The following PSG2 variants were observed in gnomAD, a reference collection of about 807,000 sequenced individuals.
PSG2 encodes pregnancy specific beta-1-glycoprotein 2.
PSG2 carries 49 observed loss-of-function variants against 36.2 expected under a neutral mutation model. The ratio of observed to expected loss-of-function variants is 1.35; its 90% CI spans 1.08 to 1.72. PSG2 has a LOEUF of 1.72. Ranked by LOEUF, PSG2 falls within the 40% of genes most tolerant of loss-of-function variation. The pLI, the probability that PSG2 is intolerant of heterozygous loss-of-function variation, is 0.00. For missense variants in PSG2, 605 were observed against 407.2 expected (o/e 1.49, Z -4.18); for synonymous variants, 261 against 155.6 (o/e 1.68, Z -5.04).
At chr19:43,064,918 G>A (rs1035816896) in intron 5 of PSG2, among the ~76,000 whole-genome samples, 1 of 151,674 alleles carries the variant, frequency 6.6e-6, no homozygotes, top group South Asian at 2.1e-4. Context: ...TGCAAGCTCC[G>A]CCTCCGCGGT....
At chr19:43,082,253 G>A (rs1023764511) in intron 1 of PSG2, 2 of 448,350 alleles carry the variant, frequency 4.5e-6, no homozygotes, top group African/African-American at 2.1e-5. Flanking sequence ...TGATTCTCCT[G>A]CCACAGCCTC....
chr19:43,074,920 T>C (rs1434815986), intron 3 of PSG2, among the ~76,000 whole-genome samples: 1 of 132,862 alleles, frequency 7.5e-6, no homozygotes, highest in Non-Finnish European at 1.5e-5. Flanking sequence ...TGGTAATAGG[T>C]GTGAGGAAGA....
At chr19:43,068,222 G>A (rs967315016) in intron 4 of PSG2, among the ~76,000 whole-genome samples, 1 of 151,238 alleles carries the variant, frequency 6.6e-6, no homozygotes, top group Admixed American at 6.6e-5. Flanking sequence ...GATTTCTTGA[G>A]ACCAGGTGTT....
Position 43,073,601 on chromosome 19 carries a change from G to A in PSG2, c.710-1647C>T, listed in dbSNP as rs185454902. Among the ~76,000 whole-genome samples the A allele has an allele frequency of 4.0e-5, 6 of 151,740 alleles. 1 individual carries two copies. Among genetic ancestry groups the A allele is most frequent in the African/African-American group, 7.3e-5 (3 of 41,142 alleles). On this transcript the variant is annotated intron_variant, in intron 3 of 5. Transcript: ENST00000406487. ...ATCTACTCTGTGATTCCCTGGGTTC[G>A]ACTACTCTAGGGACCTCATGTAAGT... is the stretch of plus-strand genomic sequence containing the variant.
Position 43,082,210 on chromosome 19 carries a change from G to A in PSG2, c.64+296C>T, listed in dbSNP as rs186116298. The A allele has an allele frequency of 3.9e-4, 104 of 268,176 alleles. 1 individual carries two copies. Among genetic ancestry groups the A allele is most frequent in the Middle Eastern group, 2.7e-3 (2 of 730 alleles). The allele number at this position is 268,176 out of a possible 1,614,324, so 16.6% of individuals were successfully genotyped here. The stretch of plus-strand genomic sequence containing the variant: ...GGCTGGTATGCAGTGGCGCTATCTC[G>A]GCACGCTGCAACTTCTGCCTCCTGG... On this transcript the variant is annotated intron_variant, in intron 1 of 5. Transcript: ENST00000406487.
chr19:43,072,577 A>C (rs1297797573), intron 3 of PSG2: 4 of 1,611,184 alleles, frequency 2.5e-6, no homozygotes, highest in Non-Finnish European at 2.5e-6. Context: ...ATACATCCTT[A>C]TTCTCCCTGG....
intron 1 of PSG2, 143 bp from the exon 2 acceptor site, chr19:43,081,389 A>G (rs1265864237): frequency 5.5e-6 from 7 of 1,275,264 alleles, no homozygotes; most frequent in Non-Finnish European, 4.2e-6. Flanking sequence ...ACACACACAC[A>G]CACACACACA....
rs1967765886 is a variant in PSG2, at chr19:43,068,110, AAAAG to A, written c.965-1514_965-1511del. 1.3e-5 allele frequency among the ~76,000 whole-genome samples: 2 copies of A among 151,422 alleles called. 1 individual carries two copies. The highest frequency in any genetic ancestry group is 2.9e-5 in the Non-Finnish European group (2 of 67,962). ...ACCATTAACTAGATTGACTAAGAAAAAAAGAGAAAAGTTTAAAATTCCTAAAATC... is the reference window on the plus strand; with the variant it reads ...ACCATTAACTAGATTGACTAAGAAAAAGAAAAGTTTAAAATTCCTAAAATC... On this transcript the variant is annotated intron_variant, in intron 4 of 5. Coordinates refer to ENST00000406487, the MANE Select transcript of PSG2 (RefSeq NM_031246.4).
Position 43,075,511 on chromosome 19 carries a change from A to G in PSG2, c.552T>C (p.Gly184=). Residue 184 remains glycine, a synonymous_variant, in exon 3 of 6, where the codon GGT becomes GGC. Coordinates refer to ENST00000406487, the MANE Select transcript of PSG2 (RefSeq NM_031246.4). Reference sequence around the variant, plus strand: ...ACCTATGAGTCATAGGGAGGCTCTGACCATTCATCCACCACTGGTAGCTTG... The same window carrying G: ...ACCTATGAGTCATAGGGAGGCTCTGGCCATTCATCCACCACTGGTAGCTTG... ...PDTSYQWWMN[G]QSLPMTHRFQ... The G allele has an allele frequency of 6.2e-7, 1 of 1,613,222 alleles. No individual in the cohort carries two copies. Among genetic ancestry groups the G allele is most frequent in the South Asian group, 1.1e-5 (1 of 91,038 alleles).
At position 43,071,967 on chromosome 19, in the gene PSG2, G is replaced by C. The variant is rs1234363696; in HGVS notation, c.710-13C>G. Reference sequence around the variant, plus strand: ...AGGTCTGGACCATCTGGAGCAAAGAGAATAAAGCCACAGGTGATGCCATCT... The same window carrying C: ...AGGTCTGGACCATCTGGAGCAAAGACAATAAAGCCACAGGTGATGCCATCT... On this transcript the variant is annotated splice_polypyrimidine_tract_variant and intron_variant, in intron 3 of 5. Transcript: ENST00000406487. 3 of 1,610,680 alleles carry C rather than the reference G, an allele frequency of 1.9e-6. No homozygotes were observed. In the African/African-American group the frequency reaches 4.0e-5, roughly 22 times the overall value.
At position 43,077,066 on chromosome 19, in the gene PSG2, T is replaced by G. The variant is rs1967907361; in HGVS notation, c.431-1434A>C. ...TAGACCTCATGTTATGTTCTGACTC[T>G]AGTAACAAAAAAAATTTGGAGGAAA... On this transcript the variant is annotated intron_variant, in intron 2 of 5. Coordinates refer to ENST00000406487, the MANE Select transcript of PSG2 (RefSeq NM_031246.4). Among the ~76,000 whole-genome samples the G allele has an allele frequency of 2.0e-5, 3 of 151,670 alleles. No individual in the cohort carries two copies. The South Asian group carries it at 6.2e-4, about 32-fold the overall frequency.
chr19:43,078,722 T>C (rs2122915465), intron 2 of PSG2, among the ~76,000 whole-genome samples: 1 of 151,818 alleles, frequency 6.6e-6, no homozygotes, highest in East Asian at 1.9e-4. Flanking sequence ...TAAACCTCTG[T>C]CCTCCTGTTT....
At position 43,071,952 on chromosome 19, in the gene PSG2, C is replaced by G. The variant is rs757857292; in HGVS notation, c.712G>C (p.Gly238Arg). Residue 238 changes from glycine (G) to arginine (R), a missense_variant and splice_region_variant, in exon 4 of 6, where the codon GGT becomes CGT. Physicochemically the swap from Gly to Arg is moderately radical, Grantham distance 125. Coordinates refer to ENST00000406487, the MANE Select transcript of PSG2 (RefSeq NM_031246.4). ...GGGTGAATTCTGGGGAGGTCTGGAC[C>G]ATCTGGAGCAAAGAGAATAAAGCCA... is the stretch of plus-strand genomic sequence containing the variant. The part of the protein sequence containing the change: ...SDPVTLNLLH[G>R]PDLPRIHPSY... 1.9e-6 allele frequency: 3 copies of G among 1,611,918 alleles called. No individual in the cohort carries two copies. In the African/African-American group the frequency reaches 4.0e-5, roughly 22 times the overall value.
intron 2 of PSG2, among the ~76,000 whole-genome samples, chr19:43,078,908 A>G (rs1204571437): frequency 6.6e-6 from 1 of 151,552 alleles, no homozygotes; most frequent in Non-Finnish European, 1.5e-5. Context: ...AAAGGGGAAG[A>G]GCCCTTGATG....
intron 3 of PSG2, chr19:43,072,651 G>T (rs1388698621): frequency 1.7e-5 from 28 of 1,609,058 alleles, no homozygotes; most frequent in Non-Finnish European, 8.5e-6. Context: ...ACAGAGAGAA[G>T]ATTGTCCTGT....
rs1336209432 is a variant in PSG2, at chr19:43,076,707, T to C, written c.431-1075A>G. ...AGGGCGTTGTTCTGTGGGTGTGCGG[T>C]TCCAGTTATGCAGGATAAGGAGGTT... On this transcript the variant is annotated intron_variant, in intron 2 of 5. Transcript: ENST00000406487. Among the ~76,000 whole-genome samples the C allele has an allele frequency of 2.0e-5, 3 of 151,654 alleles. 1 individual carries two copies. Among genetic ancestry groups the C allele is most frequent in the African/African-American group, 4.9e-5 (2 of 41,060 alleles).
chr19:43,074,028 T>A (rs1967855721), intron 3 of PSG2, among the ~76,000 whole-genome samples: 1 of 151,624 alleles, frequency 6.6e-6, no homozygotes, highest in African/African-American at 2.4e-5. Context: ...GTGATTAGTT[T>A]TCGGTCAATT....
intron 3 of PSG2, among the ~76,000 whole-genome samples, chr19:43,073,039 G>A (rs111705856): frequency 0.012 from 1,827 of 151,708 alleles, 95 homozygotes; most frequent in African/African-American, 0.042. Context: ...TTTCTCTGCA[G>A]CTTCCATTTC....
chr19:43,081,876 G>A (rs151085761), intron 1 of PSG2: 1,958 of 155,284 alleles, frequency 0.013, 45 homozygotes, highest in South Asian at 0.032. Context: ...GTTTTTTGCT[G>A]AGGACAGTGT....
Sources: gnomAD v4.1 joint callset for allele counts (sites outside exome capture counted in the v4.1 genomes callset) on GRCh38, gnomAD v4.1.1 for gene constraint, MANE v1.5 for transcripts, NCBI Gene and HGNC (gene_info 2026-07-23, HGNC 2026-07-21) for gene names.